Variants in EPHA3 observed in about 807,000 individuals in gnomAD.
EPHA3 encodes ephrin type-A receptor 3.
Under a neutral mutation model 107.1 loss-of-function variants are expected in EPHA3, and 42 were observed. The observed-to-expected ratio is 0.39, with a 90% CI of 0.31 to 0.51. EPHA3 has a LOEUF of 0.51. Among genes scored for constraint, EPHA3 ranks in the 20% least tolerant of loss-of-function variants. The probability of loss-of-function intolerance (pLI) is 0.78; values close to 1 mark genes in which losing one functional copy is unlikely to be tolerated. For synonymous variants in EPHA3, 461 were observed against 424.8 expected, an observed-to-expected ratio of 1.09 and a Z score of -1.05; for missense variants, 1,183 against 1,211.2, an observed-to-expected ratio of 0.98 and a Z score of 0.35.
At chr3:89,115,001 C>T (rs1168215507) in intron 1 of EPHA3, among the ~76,000 whole-genome samples, 1 of 152,130 alleles carries the variant, frequency 6.6e-6, no homozygotes, top group African/African-American at 2.4e-5. Context: ...CTGGAAGTGG[C>T]GTGTCTCTTT....
chr3:89,318,479 G>C lies in EPHA3; in HGVS notation c.815-22437G>C, dbSNP rs115936344. 6.6e-3 allele frequency among the ~76,000 whole-genome samples: 1,000 copies of C among 151,868 alleles called. 10 individuals are homozygous for C. The highest frequency in any genetic ancestry group is 0.022 in the African/African-American group (896 of 41,504). On this transcript the variant is annotated intron_variant, in intron 3 of 16. Transcript: ENST00000336596. ...TTCTTTTCATTTCAGACTATTTTCT[G>C]TTGAATGATTTGACTTCTCCTAAAA...
At chr3:89,140,753 C>T (rs1469017927) in intron 2 of EPHA3, among the ~76,000 whole-genome samples, 3 of 151,638 alleles carry the variant, frequency 2.0e-5, no homozygotes, top group African/African-American at 7.3e-5. Context: ...ATATTCGTTT[C>T]TAGAACCTAT....
At chr3:89,256,596 T>C (rs1314304562) in intron 3 of EPHA3, among the ~76,000 whole-genome samples, 1 of 151,214 alleles carries the variant, frequency 6.6e-6, no homozygotes. Context: ...AATAAATAAA[T>C]AAATAAATAA....
At position 89,140,781 on chromosome 3, in the gene EPHA3, A is replaced by C. The variant is rs188677945; in HGVS notation, c.153+13508A>C. ...GAACCTATCAAATTCTTAATAGTTT[A>C]TGTAGCATACAAGGGGCTTGTAGAA... On this transcript the variant is annotated intron_variant, in intron 2 of 16. Coordinates refer to ENST00000336596, the MANE Select transcript of EPHA3 (RefSeq NM_005233.6). 3.7e-4 allele frequency among the ~76,000 whole-genome samples: 56 copies of C among 151,820 alleles called. 1 individual carries two copies. The South Asian group carries it at 9.6e-3, about 26-fold the overall frequency.
At chr3:89,222,044 T>C (rs1389337292) in intron 3 of EPHA3, among the ~76,000 whole-genome samples, 1 of 152,134 alleles carries the variant, frequency 6.6e-6, no homozygotes, top group African/African-American at 2.4e-5. Flanking sequence ...ATCTCTGGCC[T>C]TTATTTTCTA....
At position 89,294,236 on chromosome 3, in the gene EPHA3, G is replaced by T. The variant is rs528814548; in HGVS notation, c.815-46680G>T. Among the ~76,000 whole-genome samples, 8 of 152,116 alleles carry T rather than the reference G, an allele frequency of 5.3e-5. No individual in the cohort carries two copies. In the East Asian group the frequency reaches 1.5e-3, roughly 29 times the overall value. Reference sequence around the variant, plus strand: ...AATTTTGTTATGTGTTCCAAAGTACGAGTCTTAGTTCATTTTTGCAAATGA... The same window carrying T: ...AATTTTGTTATGTGTTCCAAAGTACTAGTCTTAGTTCATTTTTGCAAATGA... On this transcript the variant is annotated intron_variant, in intron 3 of 16. Transcript: ENST00000336596.
intron 13 of EPHA3, among the ~76,000 whole-genome samples, chr3:89,432,221 T>C (rs1160079819): frequency 1.3e-5 from 2 of 152,160 alleles, no homozygotes; most frequent in East Asian, 3.8e-4. Context: ...ACGTGAATAT[T>C]TTAAAAGCAC....
chr3:89,180,563 C>G (rs749506775), intron 2 of EPHA3, among the ~76,000 whole-genome samples: 15 of 151,946 alleles, frequency 9.9e-5, no homozygotes, highest in Non-Finnish European at 2.1e-4. Context: ...AACTGAGGAG[C>G]ATTTCCTTAT....
chr3:89,446,636 T>G (rs1277267835), intron 13 of EPHA3, among the ~76,000 whole-genome samples: 2 of 152,070 alleles, frequency 1.3e-5, no homozygotes, highest in African/African-American at 4.8e-5. Flanking sequence ...GCAACAAATA[T>G]CTGGGCCTAA....
At chr3:89,401,948 G>A (rs114870811) in intron 7 of EPHA3, among the ~76,000 whole-genome samples, 5,827 of 152,182 alleles carry the variant, frequency 0.038, 124 homozygotes, top group South Asian at 0.083. Flanking sequence ...GGAGAGATCC[G>A]AAATCATAGA....
At chr3:89,245,045 T>C (rs570217746) in intron 3 of EPHA3, among the ~76,000 whole-genome samples, 43 of 152,268 alleles carry the variant, frequency 2.8e-4, no homozygotes, top group African/African-American at 1.0e-3. Context: ...AAGAAACATT[T>C]AAAAAAATTA....
chr3:89,390,004 T>A (rs1708691770), intron 5 of EPHA3, among the ~76,000 whole-genome samples: 1 of 152,148 alleles, frequency 6.6e-6, no homozygotes, highest in African/African-American at 2.4e-5. Context: ...TTTTTTAAAT[T>A]TTTTTGAGAC....
chr3:89,427,253 T>C (rs1709475356), intron 11 of EPHA3, among the ~76,000 whole-genome samples: 1 of 151,890 alleles, frequency 6.6e-6, no homozygotes, highest in South Asian at 2.1e-4. Context: ...TAAGACATAA[T>C]TCCTGGAATA....
chr3:89,113,113 G>A (rs190793731), intron 1 of EPHA3, among the ~76,000 whole-genome samples: 309 of 152,076 alleles, frequency 2.0e-3, no homozygotes, highest in Middle Eastern at 6.8e-3. Context: ...TTTAAATAAA[G>A]GGTTGACCAG....
intron 5 of EPHA3, among the ~76,000 whole-genome samples, chr3:89,395,215 T>A (rs1708823188): frequency 1.3e-5 from 2 of 152,192 alleles, no homozygotes; most frequent in African/African-American, 2.4e-5. Context: ...TCATTAAGTA[T>A]TTTTTTAAGA....
At chr3:89,412,955 T>C (rs1266350267) in intron 9 of EPHA3, among the ~76,000 whole-genome samples, 186 bp from the exon 10 acceptor site, 1 of 151,734 alleles carries the variant, frequency 6.6e-6, no homozygotes, top group African/African-American at 2.4e-5. Flanking sequence ...ATAGAGAACA[T>C]GTTTTCTTAA....
At chr3:89,280,665 T>A (rs1439778102) in intron 3 of EPHA3, among the ~76,000 whole-genome samples, 1 of 152,136 alleles carries the variant, frequency 6.6e-6, no homozygotes, top group Non-Finnish European at 1.5e-5. Flanking sequence ...TTTATGCATG[T>A]TTCATGTATG....
intron 2 of EPHA3, among the ~76,000 whole-genome samples, chr3:89,157,888 G>A (rs894037998): frequency 5.3e-5 from 8 of 151,658 alleles, no homozygotes; most frequent in African/African-American, 1.7e-4. Flanking sequence ...AAAGAAGTCA[G>A]GGGAAAGAGA....
At chr3:89,369,849 C>G (rs1708258533) in intron 5 of EPHA3, among the ~76,000 whole-genome samples, 1 of 150,242 alleles carries the variant, frequency 6.7e-6, no homozygotes, top group African/African-American at 2.5e-5. Flanking sequence ...GGGAAAAGGA[C>G]ATGAACAGAC....
Sources: gnomAD v4.1 joint callset for allele counts (sites outside exome capture counted in the v4.1 genomes callset) on GRCh38, gnomAD v4.1.1 for gene constraint, MANE v1.5 for transcripts, NCBI Gene and HGNC (gene_info 2026-07-23, HGNC 2026-07-21) for gene names.